The following IGSF21 variants were observed in gnomAD, a reference collection of about 807,000 sequenced individuals.
The protein encoded by IGSF21 is immunoglobulin superfamily member 21.
In IGSF21, 28 loss-of-function variants were observed where a neutral mutation model predicts 46.8. The observed-to-expected ratio is 0.60, with a 90% CI of 0.44 to 0.82. The LOEUF is 0.82. Among genes scored for constraint, IGSF21 ranks in the 40% least tolerant of loss-of-function variants. The pLI is 0.00. For missense variants in IGSF21, 624 were observed against 665.5 expected (o/e 0.94, Z 0.69); for synonymous variants, 284 against 273.6 (o/e 1.04, Z -0.38).
chr1:18,324,321 A>C (rs1454212558), intron 3 of IGSF21, among the ~76,000 whole-genome samples: 1 of 152,234 alleles, frequency 6.6e-6, no homozygotes, highest in East Asian at 1.9e-4. Flanking sequence ...ACCTTGACTC[A>C]TTAAGACTTC....
intron 1 of IGSF21, among the ~76,000 whole-genome samples, chr1:18,123,111 T>C (rs1422862651): frequency 6.6e-6 from 1 of 152,176 alleles, no homozygotes; most frequent in East Asian, 1.9e-4. Context: ...TAATTTGCTG[T>C]GTGACTATCC....
At chr1:18,228,067 C>T (rs2084587290) in intron 2 of IGSF21, 57 bp downstream of exon 2, 4 of 1,339,846 alleles carry the variant, frequency 3.0e-6, no homozygotes, top group Non-Finnish European at 4.3e-6. Flanking sequence ...GTGAGGTCCT[C>T]AGAGCCCTCT....
chr1:18,233,412 G>T (rs894899656), intron 2 of IGSF21, among the ~76,000 whole-genome samples: 1 of 152,194 alleles, frequency 6.6e-6, no homozygotes, highest in Non-Finnish European at 1.5e-5. Flanking sequence ...GAGACTAGAG[G>T]CTGGGAAGGC....
intron 4 of IGSF21, among the ~76,000 whole-genome samples, chr1:18,352,158 T>C (rs761592457): frequency 1.3e-5 from 2 of 152,170 alleles, no homozygotes; most frequent in Non-Finnish European, 2.9e-5. Flanking sequence ...TGCTGAGGCC[T>C]GGGGTAGCCT....
chr1:18,225,941 C>T (rs967035410), intron 1 of IGSF21, among the ~76,000 whole-genome samples: 1 of 152,206 alleles, frequency 6.6e-6, no homozygotes, highest in African/African-American at 2.4e-5. Flanking sequence ...GGGGACTTCA[C>T]CTCTTGGTTC....
intron 6 of IGSF21, among the ~76,000 whole-genome samples, chr1:18,366,336 T>G (rs1394687376): frequency 6.6e-6 from 1 of 151,812 alleles, no homozygotes; most frequent in Non-Finnish European, 1.5e-5. Context: ...GAAGCATAGG[T>G]CAGCGTGAAG....
chr1:18,250,991 C>T (rs925247493), intron 2 of IGSF21, among the ~76,000 whole-genome samples: 2 of 152,052 alleles, frequency 1.3e-5, no homozygotes, highest in Non-Finnish European at 2.9e-5. Flanking sequence ...GGGGAAGTGA[C>T]ATTGAAGCTG....
chr1:18,233,779 T>C (rs1183341118), intron 2 of IGSF21, among the ~76,000 whole-genome samples: 1 of 152,134 alleles, frequency 6.6e-6, no homozygotes, highest in African/African-American at 2.4e-5. Context: ...GAGACAACGC[T>C]TTAAATGGTT....
At chr1:18,307,189 A>T (rs761584) in intron 3 of IGSF21, among the ~76,000 whole-genome samples, 1 of 151,230 alleles carries the variant, frequency 6.6e-6, no homozygotes. Flanking sequence ...GGGCATGTTG[A>T]GTATTTTGTG....
At chr1:18,266,924 G>A (rs937262049) in intron 2 of IGSF21, among the ~76,000 whole-genome samples, 2 of 152,082 alleles carry the variant, frequency 1.3e-5, no homozygotes, top group Non-Finnish European at 2.9e-5. Context: ...AAACTGAAAG[G>A]GAGACCCAGC....
chr1:18,143,931 C>A lies in IGSF21; in HGVS notation c.70+35733C>A, dbSNP rs1037926358. Among the ~76,000 whole-genome samples, 4 of 152,172 alleles carry A rather than the reference C, an allele frequency of 2.6e-5. No homozygotes were observed. In the East Asian group the frequency reaches 7.8e-4, roughly 30 times the overall value. ...GACTGGGACCTCACCGGGGCTGGAGCTATGACTCTTTCATCAGATTTGGGA... is the reference window on the plus strand; with the variant it reads ...GACTGGGACCTCACCGGGGCTGGAGATATGACTCTTTCATCAGATTTGGGA... On this transcript the variant is annotated intron_variant, in intron 1 of 9. Coordinates refer to ENST00000251296, the MANE Select transcript of IGSF21 (RefSeq NM_032880.5).
intron 6 of IGSF21, among the ~76,000 whole-genome samples, chr1:18,375,636 A>T (rs2086272809): frequency 6.6e-6 from 1 of 152,152 alleles, no homozygotes; most frequent in African/African-American, 2.4e-5. Context: ...CTTTCTTCCC[A>T]CACCATGTCC....
chr1:18,273,458 CTCTCTCTTTCTTTCTT>C (rs1469604334), intron 2 of IGSF21, among the ~76,000 whole-genome samples: 1 of 47,486 alleles, frequency 2.1e-5, no homozygotes, highest in Non-Finnish European at 3.9e-5. Context: ...TTCTTTCTTT[CTCTCTCTTTCTTTCTT>C]TCTTTCTTTC....
chr1:18,378,196 G>A, intron 9 of IGSF21, 60 bp from the exon 10 acceptor site: 3 of 1,407,456 alleles, frequency 2.1e-6, no homozygotes, highest in Non-Finnish European at 3.0e-6. Context: ...TGGAGGCTCT[G>A]CTGTTCTGGA....
chr1:18,291,710 G>T (rs1018293177), intron 2 of IGSF21, among the ~76,000 whole-genome samples, 156 bp from the exon 3 acceptor site: 2 of 152,062 alleles, frequency 1.3e-5, no homozygotes, highest in African/African-American at 4.8e-5. Flanking sequence ...TTAAAACATC[G>T]CTGCCTCCAG....
intron 2 of IGSF21, among the ~76,000 whole-genome samples, chr1:18,254,157 C>G (rs2084867967): frequency 6.6e-6 from 1 of 152,126 alleles, no homozygotes; most frequent in Admixed American, 6.5e-5. Flanking sequence ...AGTTCTGGAG[C>G]CTGAACTAGG....
intron 1 of IGSF21, among the ~76,000 whole-genome samples, chr1:18,203,864 G>A (rs1389083399): frequency 6.6e-6 from 1 of 152,234 alleles, no homozygotes; most frequent in Non-Finnish European, 1.5e-5. Flanking sequence ...AAACTGTTAT[G>A]TGGGTATTTG....
intron 4 of IGSF21, among the ~76,000 whole-genome samples, chr1:18,351,337 C>T (rs1457433420): frequency 3.3e-5 from 5 of 152,184 alleles, no homozygotes; most frequent in South Asian, 2.1e-4. Flanking sequence ...AGGAAGCCAT[C>T]AGTGGACTCA....
Position 18,241,015 on chromosome 1 carries a change from A to G in IGSF21, c.183+13005A>G, listed in dbSNP as rs145449480. Among the ~76,000 whole-genome samples, 453 of 152,294 alleles carry G rather than the reference A, an allele frequency of 3.0e-3. 6 individuals are homozygous for G. The highest frequency in any genetic ancestry group is 0.011 in the African/African-American group (437 of 41,560). On this transcript the variant is annotated intron_variant, in intron 2 of 9. Transcript: ENST00000251296. The stretch of plus-strand genomic sequence containing the variant: ...AGAAAGTTCCAGATTCCCCAGGAGT[A>G]GGGTTATGTGACTGTTCTGAGAAGC...
Sources: allele counts gnomAD v4.1 joint callset (sites outside exome capture counted in the v4.1 genomes callset), GRCh38; gene constraint gnomAD v4.1.1; transcripts MANE v1.5; gene names NCBI Gene and HGNC (gene_info 2026-07-23, HGNC 2026-07-21).